Variants in RNASEL observed in about 807,000 individuals in gnomAD.
RNASEL encodes ribonuclease L.
In RNASEL, 36 loss-of-function variants were observed where a neutral mutation model predicts 50.9. That is an observed-to-expected ratio of 0.71 (90% CI 0.54 to 0.93). The LOEUF is 0.93. RNASEL is among the 40% of genes least tolerant of loss of function. The probability of loss-of-function intolerance (pLI) is 0.00; values close to 1 mark genes in which losing one functional copy is unlikely to be tolerated. For synonymous variants in RNASEL, 335 were observed against 335.6 expected, an observed-to-expected ratio of 1.00 and a Z score of 0.02; for missense variants, 860 against 894.5, an observed-to-expected ratio of 0.96 and a Z score of 0.49.
Position 182,581,575 on chromosome 1 carries a change from G to A in RNASEL, c.1773-218C>T, listed in dbSNP as rs185001223. The stretch of plus-strand genomic sequence containing the variant: ...TGGCTCACTGCAACCTCCACCTCCC[G>A]GGTTCAAGCAATTCTCCTGCCTCAG... On this transcript the variant is annotated intron_variant, in intron 4 of 6. Coordinates refer to ENST00000367559, the MANE Select transcript of RNASEL (RefSeq NM_021133.4). Among the ~76,000 whole-genome samples the A allele has an allele frequency of 1.4e-3, 183 of 129,036 alleles. 1 individual carries two copies. Among genetic ancestry groups the A allele is most frequent in the African/African-American group, 5.1e-3 (175 of 34,496 alleles). The allele number at this position is 129,036 out of a possible 152,430, so 84.7% of individuals were successfully genotyped here.
Position 182,586,142 on chromosome 1 carries a change from G to GTT in RNASEL, c.664_665insAA (p.Thr222LysfsTer14), listed in dbSNP as rs1350238219. 1.1e-5 allele frequency: 18 copies of GTT among 1,614,042 alleles called. No homozygotes were observed. Among genetic ancestry groups the GTT allele is most frequent in the Non-Finnish European group, 1.5e-5 (18 of 1,180,056 alleles). ...AGCCCCATGGTCCAGCAGCAGATGC[G>GTT]TAATAGCCTCCACATCACTATCGTC... On this transcript the variant is annotated frameshift_variant, in exon 2 of 7. Coordinates refer to ENST00000367559, the MANE Select transcript of RNASEL (RefSeq NM_021133.4). LOFTEE classifies it high-confidence loss of function.
chr1:182,581,513 G>A (rs1408255049), intron 4 of RNASEL, among the ~76,000 whole-genome samples, 156 bp from the exon 5 acceptor site: 16 of 108,196 alleles, frequency 1.5e-4, no homozygotes, highest in South Asian at 3.2e-4. Flanking sequence ...ATGGAGTCTC[G>A]CTCTGTCCCC....
intron 6 of RNASEL, 142 bp downstream of exon 6, chr1:182,576,114 C>G: frequency 1.3e-6 from 1 of 793,118 alleles, no homozygotes; most frequent in Non-Finnish European, 2.0e-6. Context: ...AGTGATAGCC[C>G]TTTTACACAC....
intron 3 of RNASEL, among the ~76,000 whole-genome samples, 183 bp from the exon 4 acceptor site, chr1:182,582,441 T>A (rs550397764): frequency 1.3e-5 from 2 of 152,326 alleles, no homozygotes; most frequent in Admixed American, 1.3e-4. Context: ...ATATCGCCCA[T>A]ACCACTTAGT....
chr1:182,586,074 G>T lies in RNASEL; in HGVS notation c.733C>A (p.Leu245Met). Residue 245 changes from leucine (L) to methionine (M), a missense_variant, in exon 2 of 7, where the codon CTG becomes ATG. Leu to Met is a conservative substitution (Grantham distance 15). Transcript: ENST00000367559. ...CCCAAGTGCTTCTTCTCCACTGCCA[G>T]GATCAGGGGAGTCTTCCCTCTTTCT... ...RGERGKTPLI[L>M]AVEKKHLGLV... 1 of 1,614,068 alleles carries T rather than the reference G, an allele frequency of 6.2e-7. No homozygotes were observed. The highest frequency in any genetic ancestry group is 8.5e-7 in the Non-Finnish European group (1 of 1,180,028).
rs114573832 is a variant in RNASEL at position 182,576,841 on chromosome 1, C to T, written c.1906-452G>A. 2.2e-3 allele frequency: 343 copies of T among 157,252 alleles called. 1 individual carries two copies. Among genetic ancestry groups the T allele is most frequent in the African/African-American group, 7.5e-3 (308 of 41,308 alleles). The allele number at this position is 157,252 out of a possible 1,614,324, so 9.7% of individuals were successfully genotyped here. A position where few individuals can be genotyped will look rare whatever the true frequency, so the allele number is the denominator to read the frequency against. ...GAGCTGAGATCGCACCACTGCACTC[C>T]GGTCTCAGTAACAGAGCAAGACTCC... On this transcript the variant is annotated intron_variant, in intron 5 of 6. Transcript: ENST00000367559.
intron 2 of RNASEL, among the ~76,000 whole-genome samples, chr1:182,584,836 A>G (rs1661561427): frequency 6.6e-6 from 1 of 152,146 alleles, no homozygotes; most frequent in African/African-American, 2.4e-5. Context: ...TTCTTTTAAC[A>G]TTTAAAAGAA....
intron 3 of RNASEL, 38 bp downstream of exon 3, chr1:182,584,043 G>T: frequency 6.9e-7 from 1 of 1,457,134 alleles, no homozygotes; most frequent in Non-Finnish European, 9.6e-7. Flanking sequence ...GAATAAGGAA[G>T]CAGAAAGAAG....
Position 182,575,453 on chromosome 1 carries a change from G to A in RNASEL, c.2165C>T (p.Pro722Leu), listed in dbSNP as rs1223357252. Reference protein sequence around the residue: ...YRKHFPQTHSPNKPQCDGAGG... With the variant: ...YRKHFPQTHSLNKPQCDGAGG... ...AGCTCCATCACACTGAGGCTTGTTT[G>A]GACTGTGGGTTTGGGGGAAATGCTT... The change falls in exon 7 of 7, where the codon CCA (proline) becomes CTA (leucine). Residue 722 changes from proline (P) to leucine (L), a missense_variant. Physicochemically the swap from Pro to Leu is moderately conservative, Grantham distance 98 (BLOSUM62 -3). Coordinates refer to ENST00000367559, the MANE Select transcript of RNASEL (RefSeq NM_021133.4). 5 of 1,614,164 alleles carry A rather than the reference G, an allele frequency of 3.1e-6. No homozygotes were observed. The highest frequency in any genetic ancestry group is 1.6e-4 in the Middle Eastern group (1 of 6,062).
Position 182,586,183 on chromosome 1 carries a change from A to G in RNASEL, c.624T>C (p.His208=). 6.2e-7 allele frequency: 1 copy of G among 1,614,206 alleles called. No homozygotes were observed. Among genetic ancestry groups the G allele is most frequent in the Non-Finnish European group, 8.5e-7 (1 of 1,180,034 alleles). Residue 208 remains histidine (H), a synonymous_variant, in exon 2 of 7, where the codon CAT becomes CAC. Transcript: ENST00000367559. ...CACTATCGTCAGAGCTCAGGAGAGCATGGATCAAGGCATTTCTGCCCATAT... is the reference window on the plus strand; with the variant it reads ...CACTATCGTCAGAGCTCAGGAGAGCGTGGATCAAGGCATTTCTGCCCATAT... ...CDNMGRNALI[H]ALLSSDDSDV... is the part of the protein sequence containing the mutation.
chr1:182,575,638 A>G, intron 6 of RNASEL, 60 bp from the exon 7 acceptor site: 2 of 1,593,728 alleles, frequency 1.3e-6, no homozygotes, highest in South Asian at 1.1e-5. Flanking sequence ...CCCGCTTCAC[A>G]GCATATGGCC....
intron 2 of RNASEL, among the ~76,000 whole-genome samples, chr1:182,584,478 G>A (rs1661555365): frequency 6.6e-6 from 1 of 152,160 alleles, no homozygotes; most frequent in South Asian, 2.1e-4. Context: ...GCACAGATTT[G>A]TAAAGGAGCT....
chr1:182,575,331 G>T lies in RNASEL; in HGVS notation c.*61C>A. 1 of 1,560,896 alleles carries T rather than the reference G, an allele frequency of 6.4e-7. No homozygotes were observed. The highest frequency in any genetic ancestry group is 8.8e-7 in the Non-Finnish European group (1 of 1,132,846). On this transcript the variant is annotated 3_prime_UTR_variant, in exon 7 of 7. Transcript: ENST00000367559. ...GGTGAGTTAAAAGGCCCAGAATGTT[G>T]TGATTTGCCAAGGACTCTACAGCTA...
chr1:182,585,311 G>A lies in RNASEL; in HGVS notation c.1480+16C>T, dbSNP rs1290750119. 1 of 1,612,166 alleles carries A rather than the reference G, an allele frequency of 6.2e-7. No homozygotes were observed. Among genetic ancestry groups the A allele is most frequent in the Non-Finnish European group, 8.5e-7 (1 of 1,178,938 alleles). On this transcript the variant is annotated intron_variant, in intron 2 of 6. Coordinates refer to ENST00000367559, the MANE Select transcript of RNASEL (RefSeq NM_021133.4). ...TCCCACAATTTCTAAGAGAGAATTG[G>A]GGATTGGGGACTCACCTATTAAGAT... is the stretch of plus-strand genomic sequence containing the variant.
At chr1:182,582,405 G>A (rs1422780822) in intron 3 of RNASEL, 147 bp from the exon 4 acceptor site, 2 of 883,748 alleles carry the variant, frequency 2.3e-6, no homozygotes, top group Non-Finnish European at 3.7e-6. Context: ...GCACAGATGT[G>A]TGCATACAGA....
rs1378920455 is a variant in RNASEL at position 182,586,108 on chromosome 1, A to G, written c.699T>C (p.Asn233=). ...GAGTCTTCCCTCTTTCTCCCCTCAC[A>G]TTGACATCAGCCCCATGGTCCAGCA... The part of the protein sequence containing the change: ...HLLLDHGADV[N]VRGERGKTPL... The change falls in exon 2 of 7, where the codon AAT becomes AAC. Residue 233 remains asparagine, a synonymous_variant. Transcript: ENST00000367559. 1.2e-6 allele frequency: 2 copies of G among 1,613,982 alleles called. No individual in the cohort carries two copies. Among genetic ancestry groups the G allele is most frequent in the African/African-American group, 1.3e-5 (1 of 74,884 alleles).
chr1:182,581,619 T>C (rs1661499372), intron 4 of RNASEL, among the ~76,000 whole-genome samples: 1 of 151,130 alleles, frequency 6.6e-6, no homozygotes, highest in African/African-American at 2.4e-5. Context: ...GTAGGTGACA[T>C]TACAGGCACC....
chr1:182,578,814 A>C (rs927808011), intron 5 of RNASEL: 2 of 152,216 alleles, frequency 1.3e-5, no homozygotes, highest in Admixed American at 6.5e-5. Context: ...ACTATTCACA[A>C]TAGCAAAGAT....
chr1:182,575,848 A>G (rs1224200639), intron 6 of RNASEL, among the ~76,000 whole-genome samples: 2 of 152,274 alleles, frequency 1.3e-5, no homozygotes, highest in Non-Finnish European at 2.9e-5. Context: ...AAAATCCAGA[A>G]GAGCCCTGAA....
Sources: gnomAD v4.1 joint callset for allele counts (sites outside exome capture counted in the v4.1 genomes callset) on GRCh38, gnomAD v4.1.1 for gene constraint, MANE v1.5 for transcripts, NCBI Gene and HGNC (gene_info 2026-07-23, HGNC 2026-07-21) for gene names.